The following CS variants were observed in gnomAD, a reference collection of about 807,000 sequenced individuals.
CS encodes the protein citrate synthase.
Under a neutral mutation model 61.4 loss-of-function variants are expected in CS, and 13 were observed. The observed-to-expected ratio is 0.21, with a 90% CI of 0.14 to 0.34. The LOEUF is 0.34. Among genes scored for constraint, CS ranks in the 10% least tolerant of loss-of-function variants. CS has a pLI of 1.00. For synonymous variants in CS, 159 were observed against 215.2 expected, an observed-to-expected ratio of 0.74 and a Z score of 2.29; for missense variants, 278 against 573.4, an observed-to-expected ratio of 0.48 and a Z score of 5.26.
rs1265800063 is a variant in CS, at chr12:56,272,253, CTTG to C, written c.*828_*830del. 47 of 198,242 alleles carry C rather than the reference CTTG, an allele frequency of 2.4e-4. No homozygotes were observed. Among genetic ancestry groups the C allele is most frequent in the African/African-American group, 1.1e-3 (45 of 42,198 alleles). The allele number at this position is 198,242 out of a possible 1,614,324, so 12.3% of individuals were successfully genotyped here. ...GGGTGGGGAGGTCAGAAGGTAGTGGCTTGTATTCTGTGGAAGTAAAAAACTTAG... is the reference window on the plus strand; with the variant it reads ...GGGTGGGGAGGTCAGAAGGTAGTGGCTATTCTGTGGAAGTAAAAAACTTAG... On this transcript the variant is annotated 3_prime_UTR_variant, in exon 11 of 11. Transcript: ENST00000351328.
At chr12:56,299,195 G>A (rs1873400728) in intron 1 of CS, among the ~76,000 whole-genome samples, 1 of 152,044 alleles carries the variant, frequency 6.6e-6, no homozygotes, top group Non-Finnish European at 1.5e-5. Flanking sequence ...TGGATTAGAG[G>A]GCTGGGACTC....
intron 1 of CS, among the ~76,000 whole-genome samples, chr12:56,289,896 C>CTGTTT (rs775698944): frequency 6.6e-5 from 10 of 151,960 alleles, no homozygotes; most frequent in African/African-American, 2.4e-4. Context: ...AGCTGACTTT[C>CTGTTT]TGTTTTGTTT....
Position 56,273,768 on chromosome 12 carries a change from A to G in CS, c.1049T>C (p.Leu350Pro), listed in dbSNP as rs1343400705. The G allele has an allele frequency of 1.2e-6, 2 of 1,614,180 alleles. No homozygotes were observed. Among genetic ancestry groups the G allele is most frequent in the Non-Finnish European group, 1.7e-6 (2 of 1,180,004 alleles). ...RVVPGYGHAV[L>P]RKTDPRYTCQ... ...GGTATATCGCGGATCAGTCTTCCTT[A>G]GTACTGCATGGCCATAGCCTGGAAC... Residue 350 changes from leucine (L) to proline (P), a missense_variant, in exon 10 of 11, where the codon CTA (leucine) becomes CCA (proline). By Grantham distance (98) the Leu-to-Pro change is moderately conservative. Around this residue, in one of 2 missense-constraint regions of CS, gnomAD observed 223 missense variants for 503.5 expected, o/e 0.44. Coordinates refer to ENST00000351328, the MANE Select transcript of CS (RefSeq NM_004077.3).
intron 9 of CS, 94 bp from the exon 10 acceptor site, chr12:56,273,890 G>A: frequency 1.8e-6 from 2 of 1,090,410 alleles, no homozygotes; most frequent in South Asian, 1.3e-5. Context: ...CTGGAGTGCA[G>A]TGGCATGATC....
At position 56,291,357 on chromosome 12, in the gene CS, T is replaced by C. The variant is rs766815983; in HGVS notation, c.43-4712A>G. 65 of 859,644 alleles carry C rather than the reference T, an allele frequency of 7.6e-5. 2 individuals carry two copies. Among genetic ancestry groups the C allele is most frequent in the Middle Eastern group, 3.1e-4 (1 of 3,232 alleles). The allele number at this position is 859,644 out of a possible 1,614,324, so 53.3% of individuals were successfully genotyped here. On this transcript the variant is annotated intron_variant, in intron 1 of 10. Coordinates refer to ENST00000351328, the MANE Select transcript of CS (RefSeq NM_004077.3). ...ATTTTCTTTCTTTCTTTCTTTCTTT[T>C]TTTTTTTTAACAGGCATCAAGGAAA...
chr12:56,293,926 C>T (rs1029739509), intron 1 of CS, among the ~76,000 whole-genome samples: 1 of 152,164 alleles, frequency 6.6e-6, no homozygotes, highest in African/African-American at 2.4e-5. Context: ...GAAGGAACAA[C>T]TTGCATTCAG....
At chr12:56,287,392 G>A (rs1403660637) in intron 1 of CS, among the ~76,000 whole-genome samples, 4 of 138,246 alleles carry the variant, frequency 2.9e-5, no homozygotes, top group Non-Finnish European at 6.1e-5. Flanking sequence ...TGAGGTGGGA[G>A]AATGGCTTAA....
In CS at chr12:56,279,633, G is replaced by C. The variant is rs186532014; in HGVS notation, c.588+2787C>G. ...TACAAAAAATTAGCCAGGCATGGTGGCGGGTGCCTGTAGTCCCAACTACTC... is the reference window on the plus strand; with the variant it reads ...TACAAAAAATTAGCCAGGCATGGTGCCGGGTGCCTGTAGTCCCAACTACTC... On this transcript the variant is annotated intron_variant, in intron 6 of 10. Transcript: ENST00000351328. Among the ~76,000 whole-genome samples, 184 of 152,234 alleles carry C rather than the reference G, an allele frequency of 1.2e-3. 2 individuals are homozygous for C. The highest frequency in any genetic ancestry group is 4.3e-3 in the African/African-American group (180 of 41,546).
intron 6 of CS, among the ~76,000 whole-genome samples, chr12:56,280,989 A>G (rs1438124186): frequency 6.6e-6 from 1 of 152,158 alleles, no homozygotes; most frequent in Admixed American, 6.6e-5. Flanking sequence ...TTGGTGCCAA[A>G]TTAATATTGA....
At chr12:56,284,635 C>T (rs1182148633) in intron 3 of CS, among the ~76,000 whole-genome samples, 2 of 150,698 alleles carry the variant, frequency 1.3e-5, no homozygotes, top group African/African-American at 4.9e-5. Context: ...GGTGCAGTGG[C>T]TCACGCCTGT....
intron 7 of CS, chr12:56,275,753 C>T (rs535935458): frequency 3.7e-6 from 2 of 541,366 alleles, no homozygotes; most frequent in Non-Finnish European, 6.6e-6. Context: ...CTAATGTGAG[C>T]AGCTAGTACC....
At chr12:56,273,821 AG>A in intron 9 of CS, 25 bp from the exon 10 acceptor site, 2 of 1,559,926 alleles carry the variant, frequency 1.3e-6, no homozygotes, top group Admixed American at 1.7e-5. Flanking sequence ...GAAAAAAGAT[AG>A]TATTCTCAGT....
At position 56,282,853 on chromosome 12, in the gene CS, G is replaced by A; in HGVS notation, c.399+7C>T. On this transcript the variant is annotated splice_region_variant and intron_variant, in intron 5 of 10. Transcript: ENST00000351328. Reference sequence around the variant, plus strand: ...TGAGAAGAGCTAATAATATCCTTCTGCTTTACCTGTTCCTCTGTTGGGATA... The same window carrying A: ...TGAGAAGAGCTAATAATATCCTTCTACTTTACCTGTTCCTCTGTTGGGATA... The A allele has an allele frequency of 6.2e-7, 1 of 1,614,098 alleles. No homozygotes were observed. Among genetic ancestry groups the A allele is most frequent in the Non-Finnish European group, 8.5e-7 (1 of 1,180,024 alleles).
intron 4 of CS, among the ~76,000 whole-genome samples, 194 bp downstream of exon 4, chr12:56,283,598 T>C (rs1244177644): frequency 6.6e-6 from 1 of 152,228 alleles, no homozygotes; most frequent in Non-Finnish European, 1.5e-5. Context: ...TCTGGTTTTG[T>C]ACTTTTATTT....
intron 4 of CS, 95 bp downstream of exon 4, chr12:56,283,697 G>A (rs1872844099): frequency 1.9e-5 from 16 of 828,674 alleles, no homozygotes; most frequent in Middle Eastern, 2.3e-4. Context: ...GAAGCTAGGT[G>A]CTCTGTTTTG....
chr12:56,274,410 C>T (rs1475023289), intron 9 of CS: 5 of 176,312 alleles, frequency 2.8e-5, no homozygotes, highest in African/African-American at 9.6e-5. Flanking sequence ...CCTGGACTCC[C>T]AAAGTGCTAA....
intron 1 of CS, among the ~76,000 whole-genome samples, chr12:56,291,944 C>G (rs1873138275): frequency 1.3e-5 from 2 of 152,138 alleles, no homozygotes; most frequent in South Asian, 4.1e-4. Flanking sequence ...CATTTGTTGC[C>G]ACCCCTTACA....
Position 56,272,628 on chromosome 12 carries a change from T to A in CS, c.*456A>T, listed in dbSNP as rs1372721298. On this transcript the variant is annotated 3_prime_UTR_variant, in exon 11 of 11. Transcript: ENST00000351328. Reference sequence around the variant, plus strand: ...GTGCATGGGAGAGGGCCAAGGGGCTTGGTACAGCTGACTATCCAACATGAT... The same window carrying A: ...GTGCATGGGAGAGGGCCAAGGGGCTAGGTACAGCTGACTATCCAACATGAT... 1 of 155,098 alleles carries A rather than the reference T, an allele frequency of 6.4e-6. No homozygotes were observed. The highest frequency in any genetic ancestry group is 1.9e-4 in the East Asian group (1 of 5,224). The allele number at this position is 155,098 out of a possible 1,614,324, so 9.6% of individuals were successfully genotyped here.
rs1592416853 is a variant in CS, at chr12:56,299,899, G to C, written c.42+261C>G. The C allele has an allele frequency of 7.0e-6, 3 of 426,552 alleles. No homozygotes were observed. The South Asian group carries it at 7.8e-5, about 11-fold the overall frequency. The allele number at this position is 426,552 out of a possible 1,614,324, so 26.4% of individuals were successfully genotyped here. A position where few individuals can be genotyped will look rare whatever the true frequency, so the allele number is the denominator to read the frequency against. ...CTTCCCCTTTCATTTCAGACATGCG[G>C]GGTGACAGCAGGGTCGGCCTCCTCA... On this transcript the variant is annotated intron_variant, in intron 1 of 10. Transcript: ENST00000351328.
Sources: gnomAD v4.1 joint callset for allele counts (sites outside exome capture counted in the v4.1 genomes callset) on GRCh38, gnomAD v4.1.1 for gene constraint, gnomAD v4.1.1 regional missense constraint, MANE v1.5 for transcripts, NCBI Gene and HGNC (gene_info 2026-07-23, HGNC 2026-07-21) for gene names.